GPCPD1: variants seen among roughly 807,000 people sequenced by gnomAD.
GPCPD1 encodes glycerophosphocholine phosphodiesterase GPCPD1.
GPCPD1 carries 29 observed loss-of-function variants against 89.2 expected under a neutral mutation model. The observed-to-expected ratio is 0.33, with a 90% CI of 0.24 to 0.44. The LOEUF (loss-of-function observed/expected upper bound fraction) is 0.44, where lower values mean the gene tolerates loss of function less well. Ranked by LOEUF, GPCPD1 falls within the 20% of genes least tolerant of loss-of-function variation. The probability of loss-of-function intolerance (pLI) is 1.00; values close to 1 mark genes in which losing one functional copy is unlikely to be tolerated. For missense variants in GPCPD1, 594 were observed against 808.9 expected, an observed-to-expected ratio of 0.73 and a Z score of 3.22; for synonymous variants, 258 against 266.3, an observed-to-expected ratio of 0.97 and a Z score of 0.30.
intron 2 of GPCPD1, among the ~76,000 whole-genome samples, chr20:5,604,009 A>G (rs1309075679): frequency 6.6e-6 from 1 of 152,152 alleles, no homozygotes; most frequent in Non-Finnish European, 1.5e-5. Context: ...AGCCTCCCAA[A>G]GTGCTGGGAT....
chr20:5,559,321 C>T (rs1213412030), intron 17 of GPCPD1, among the ~76,000 whole-genome samples: 1 of 152,264 alleles, frequency 6.6e-6, no homozygotes, highest in Middle Eastern at 3.2e-3. Flanking sequence ...AGTGCAGTGG[C>T]TCATGCCTGT....
chr20:5,573,995 T>C lies in GPCPD1; in HGVS notation c.1002-26A>G, dbSNP rs1222598805. 2.0e-5 allele frequency: 22 copies of C among 1,113,196 alleles called. No homozygotes were observed. The Middle Eastern group carries it at 7.8e-4, about 40-fold the overall frequency. The allele number at this position is 1,113,196 out of a possible 1,614,324, so 69.0% of individuals were successfully genotyped here. ...CTGAAAAGAAGAAATACAGTTAACA[T>C]AGACTATAGAGAAGATAAAGAAACA... On this transcript the variant is annotated intron_variant, in intron 10 of 19. Transcript: ENST00000379019.
intron 4 of GPCPD1, among the ~76,000 whole-genome samples, chr20:5,586,504 A>G (rs528856639): frequency 4.6e-5 from 7 of 152,348 alleles, no homozygotes; most frequent in African/African-American, 1.7e-4. Flanking sequence ...GAACTGGCAC[A>G]CAGAACTGTC....
rs1315503244 is a variant in GPCPD1, at chr20:5,560,059, ACCATC to A, written c.1408_1412del (p.Asp470Ter). The A allele has an allele frequency of 6.3e-7, 1 of 1,575,466 alleles. No individual in the cohort carries two copies. Among genetic ancestry groups the A allele is most frequent in the Non-Finnish European group, 8.6e-7 (1 of 1,162,200 alleles). ...TCATGTCAAAATATGTTGATAAGTT[ACCATC>A]CCACATTCCATCCTAGTGAAAGAGA... is the stretch of plus-strand genomic sequence containing the variant. On this transcript the variant is annotated frameshift_variant, in exon 17 of 20. Transcript: ENST00000379019. LOFTEE classifies it high-confidence loss of function.
At chr20:5,577,970 AC>A (rs1362759514) in intron 8 of GPCPD1, among the ~76,000 whole-genome samples, 2 of 152,228 alleles carry the variant, frequency 1.3e-5, no homozygotes, top group African/African-American at 2.4e-5. Flanking sequence ...AGTCCCATCA[AC>A]AAATCCTAAT....
chr20:5,557,769 T>G (rs183505171), intron 19 of GPCPD1, among the ~76,000 whole-genome samples, 176 bp downstream of exon 19: 51 of 152,322 alleles, frequency 3.3e-4, no homozygotes, highest in Non-Finnish European at 1.2e-4. Flanking sequence ...CTTAACAAGC[T>G]TCCCAAGTGA....
intron 8 of GPCPD1, among the ~76,000 whole-genome samples, chr20:5,577,713 T>C (rs1203973585): frequency 2.6e-5 from 4 of 152,018 alleles, no homozygotes; most frequent in African/African-American, 4.8e-5. Context: ...CTAGTATAAA[T>C]GGGTGTGGAG....
At chr20:5,567,272 C>A (rs149673426) in intron 13 of GPCPD1, among the ~76,000 whole-genome samples, 2 of 152,022 alleles carry the variant, frequency 1.3e-5, no homozygotes, top group South Asian at 4.1e-4. Context: ...TTCATAAATA[C>A]AAAAACCAGT....
intron 12 of GPCPD1, among the ~76,000 whole-genome samples, chr20:5,569,499 TC>T (rs11482938): frequency 6.0e-5 from 9 of 149,852 alleles, no homozygotes; most frequent in South Asian, 4.2e-4. Context: ...TCATTCTGGA[TC>T]CCCCCCCGCC....
At chr20:5,599,409 G>A (rs1478563020) in intron 2 of GPCPD1, among the ~76,000 whole-genome samples, 1 of 151,998 alleles carries the variant, frequency 6.6e-6, no homozygotes, top group Non-Finnish European at 1.5e-5. Context: ...AGAGGTTGCA[G>A]TGAGCCGAAA....
At position 5,560,005 on chromosome 20, in the gene GPCPD1, A is replaced by C; in HGVS notation, c.1467T>G (p.Thr489=). ...MNLFLDIILK[T]VLENSGKRRI... ...TCCTCTTCCCAGAATTTTCTAAAAC[A>C]GTTTTTAAAATTATATCCAAAAACA... Residue 489 remains threonine (T), a synonymous_variant, in exon 17 of 20, where the codon ACT becomes ACG. Coordinates refer to ENST00000379019, the MANE Select transcript of GPCPD1 (RefSeq NM_019593.5). The C allele has an allele frequency of 1.3e-6, 2 of 1,572,928 alleles. No individual in the cohort carries two copies. Among genetic ancestry groups the C allele is most frequent in the South Asian group, 2.3e-5 (2 of 87,768 alleles).
intron 15 of GPCPD1, among the ~76,000 whole-genome samples, chr20:5,562,284 ATAT>A (rs542457042): frequency 9.5e-4 from 145 of 152,192 alleles, no homozygotes; most frequent in Admixed American, 1.4e-3. Context: ...AGATTATGTT[ATAT>A]TATTATTATT....
intron 6 of GPCPD1, among the ~76,000 whole-genome samples, chr20:5,583,225 C>CAAAAAAAAAAAAA (rs35153907): frequency 1.6e-5 from 1 of 64,256 alleles, no homozygotes; most frequent in African/African-American, 7.1e-5. Flanking sequence ...AACTCCATCT[C>CAAAAAAAAAAAAA]AAAAAAAAAA....
At chr20:5,600,556 G>A (rs6133238) in intron 2 of GPCPD1, among the ~76,000 whole-genome samples, 38,240 of 151,726 alleles carry the variant, frequency 0.25, 5,334 homozygotes, top group East Asian at 0.43. Context: ...GGTGCAAGCC[G>A]GGTGCGGTGG....
At chr20:5,604,742 C>T (rs1758640537) in intron 1 of GPCPD1, among the ~76,000 whole-genome samples, 1 of 145,872 alleles carries the variant, frequency 6.9e-6, no homozygotes, top group Admixed American at 7.0e-5. Context: ...GAGTTTGAGA[C>T]CAATTTGGGC....
chr20:5,603,271 C>T (rs1262093419), intron 2 of GPCPD1, among the ~76,000 whole-genome samples: 1 of 151,932 alleles, frequency 6.6e-6, no homozygotes, highest in African/African-American at 2.4e-5. Context: ...CTAGCCTGGG[C>T]GACAGAGCAA....
At position 5,598,726 on chromosome 20, in the gene GPCPD1, T is replaced by G. The variant is rs764654323; in HGVS notation, c.145A>C (p.Ser49Arg). ...ALLPENDTGE[S>R]MLWKATIVLS... ...GTAACCTCACATTTCCATACTCACC[T>G]TTCACCTGTGTCATTCTCTGGAAGA... Residue 49 changes from serine to arginine, a missense_variant and splice_region_variant, in exon 3 of 20, where the codon AGC becomes CGC. Physicochemically the swap from Ser to Arg is moderately radical, Grantham distance 110. Transcript: ENST00000379019. 6.3e-7 allele frequency: 1 copy of G among 1,578,496 alleles called. No individual in the cohort carries two copies.
At chr20:5,572,677 T>C (rs1285436939) in intron 11 of GPCPD1, among the ~76,000 whole-genome samples, 1 of 152,146 alleles carries the variant, frequency 6.6e-6, no homozygotes, top group Non-Finnish European at 1.5e-5. Flanking sequence ...CTAGTTTCAC[T>C]TTGGAATGTG....
At chr20:5,568,568 T>C (rs1195122107) in intron 12 of GPCPD1, among the ~76,000 whole-genome samples, 2 of 152,060 alleles carry the variant, frequency 1.3e-5, no homozygotes, top group African/African-American at 2.4e-5. Flanking sequence ...CTGGTGAAAA[T>C]GGGGCATTAG....
Sources: allele counts gnomAD v4.1 joint callset (sites outside exome capture counted in the v4.1 genomes callset), GRCh38; gene constraint gnomAD v4.1.1; transcripts MANE v1.5; gene names NCBI Gene and HGNC (gene_info 2026-07-23, HGNC 2026-07-21).